Variants in FBXL7 observed in about 807,000 individuals in gnomAD.
The protein encoded by FBXL7 is F-box and leucine rich repeat protein 7, also known as F-box/LRR-repeat protein 7.
FBXL7 carries 12 observed loss-of-function variants against 38.3 expected under a neutral mutation model. The ratio of observed to expected loss-of-function variants is 0.31; its 90% CI spans 0.20 to 0.51. The LOEUF (loss-of-function observed/expected upper bound fraction) is 0.51, where lower values mean the gene tolerates loss of function less well. FBXL7 is among the 20% of genes least tolerant of loss of function. The pLI is 0.98. For synonymous variants in FBXL7, 297 were observed against 300.9 expected, an observed-to-expected ratio of 0.99 and a Z score of 0.13; for missense variants, 567 against 676.4, an observed-to-expected ratio of 0.84 and a Z score of 1.79.
chr5:15,782,422 G>T (rs1471647312), intron 2 of FBXL7, among the ~76,000 whole-genome samples: 2 of 152,126 alleles, frequency 1.3e-5, no homozygotes, highest in Non-Finnish European at 2.9e-5. Flanking sequence ...CACAATGGTT[G>T]AATTAATTTA....
intron 2 of FBXL7, among the ~76,000 whole-genome samples, chr5:15,842,462 G>A (rs959046494): frequency 1.5e-4 from 23 of 152,174 alleles, no homozygotes. Flanking sequence ...TGTCTCAGAT[G>A]AGACTTTTGA....
chr5:15,810,543 A>G (rs57397089), intron 2 of FBXL7, among the ~76,000 whole-genome samples: 4,729 of 148,964 alleles, frequency 0.032, 254 homozygotes, highest in African/African-American at 0.11. Flanking sequence ...CCTGGGTGAC[A>G]AGAGCAAAAC....
chr5:15,859,502 T>A (rs185405), intron 2 of FBXL7, among the ~76,000 whole-genome samples: 1 of 152,118 alleles, frequency 6.6e-6, no homozygotes, highest in African/African-American at 2.4e-5. Context: ...AAGGAAAGGG[T>A]TTTAATTGAC....
intron 2 of FBXL7, among the ~76,000 whole-genome samples, chr5:15,683,161 G>A (rs956993011): frequency 1.1e-4 from 17 of 152,184 alleles, no homozygotes; most frequent in Non-Finnish European, 1.3e-4. Flanking sequence ...GGGGCAACTA[G>A]AAGTAGTCTC....
chr5:15,836,193 C>G (rs1056191149), intron 2 of FBXL7, among the ~76,000 whole-genome samples: 1 of 152,196 alleles, frequency 6.6e-6, no homozygotes, highest in Non-Finnish European at 1.5e-5. Flanking sequence ...TTCATTCACT[C>G]TTATTCATCT....
At chr5:15,700,589 C>T (rs1743492327) in intron 2 of FBXL7, among the ~76,000 whole-genome samples, 1 of 152,192 alleles carries the variant, frequency 6.6e-6, no homozygotes, top group African/African-American at 2.4e-5. Context: ...GCCCTTTCCT[C>T]AGCAAATGGA....
At chr5:15,812,585 T>C (rs1316301174) in intron 2 of FBXL7, among the ~76,000 whole-genome samples, 1 of 152,166 alleles carries the variant, frequency 6.6e-6, no homozygotes, top group Non-Finnish European at 1.5e-5. Context: ...GCTTTGTTCT[T>C]TTTGCTTAGG....
chr5:15,606,081 C>A (rs1740002063), intron 1 of FBXL7, among the ~76,000 whole-genome samples: 1 of 152,070 alleles, frequency 6.6e-6, no homozygotes, highest in African/African-American at 2.4e-5. Flanking sequence ...CTCAGCTGGT[C>A]CCATGTAACA....
chr5:15,890,030 A>G lies in FBXL7; in HGVS notation c.128-37860A>G, dbSNP rs566308337. Among the ~76,000 whole-genome samples, 4 of 152,222 alleles carry G rather than the reference A, an allele frequency of 2.6e-5. No homozygotes were observed. The East Asian group carries it at 7.8e-4, about 30-fold the overall frequency. On this transcript the variant is annotated intron_variant, in intron 2 of 3. Coordinates refer to ENST00000504595, the MANE Select transcript of FBXL7 (RefSeq NM_012304.5). ...AATGAAAGAAAAAGTTCTTGGGCCT[A>G]TCAGACTTCATTCTCTCATTTCAAA... is the stretch of plus-strand genomic sequence containing the variant.
At chr5:15,572,157 T>A (rs1218693377) in intron 1 of FBXL7, among the ~76,000 whole-genome samples, 1 of 152,162 alleles carries the variant, frequency 6.6e-6, no homozygotes, top group Non-Finnish European at 1.5e-5. Flanking sequence ...GAACATTTAC[T>A]ATCTGAGTAT....
At chr5:15,845,295 A>G (rs1188045203) in intron 2 of FBXL7, among the ~76,000 whole-genome samples, 1 of 152,200 alleles carries the variant, frequency 6.6e-6, no homozygotes, top group East Asian at 1.9e-4. Context: ...GTCTTTCTGC[A>G]CATACCAGCC....
intron 2 of FBXL7, among the ~76,000 whole-genome samples, chr5:15,839,995 T>G (rs1738700315): frequency 6.6e-6 from 1 of 152,240 alleles, no homozygotes; most frequent in Admixed American, 6.5e-5. Context: ...ATAAACCATT[T>G]TTGTCCAGAG....
intron 2 of FBXL7, among the ~76,000 whole-genome samples, chr5:15,834,458 C>G (rs1379075137): frequency 6.6e-6 from 1 of 151,982 alleles, no homozygotes; most frequent in African/African-American, 2.4e-5. Context: ...ATTTTTACAC[C>G]AGTTTTCTCT....
intron 2 of FBXL7, among the ~76,000 whole-genome samples, chr5:15,802,941 C>T (rs567100974): frequency 1.6e-4 from 24 of 152,308 alleles, no homozygotes; most frequent in African/African-American, 4.1e-4. Context: ...GCGTGAGCCA[C>T]GGCACCCGGC....
At chr5:15,518,664 AT>A (rs1197238443) in intron 1 of FBXL7, among the ~76,000 whole-genome samples, 2 of 152,068 alleles carry the variant, frequency 1.3e-5, no homozygotes, top group Non-Finnish European at 2.9e-5. Context: ...GGCTTGGGCA[AT>A]TGGGTGCCAC....
chr5:15,718,146 GTACT>G (rs981206533), intron 2 of FBXL7, among the ~76,000 whole-genome samples: 3 of 152,166 alleles, frequency 2.0e-5, no homozygotes, highest in Admixed American at 2.0e-4. Flanking sequence ...TATGTTCCAT[GTACT>G]TACTTGCGCA....
At chr5:15,534,514 T>G (rs1251745752) in intron 1 of FBXL7, among the ~76,000 whole-genome samples, 1 of 152,250 alleles carries the variant, frequency 6.6e-6, no homozygotes, top group Non-Finnish European at 1.5e-5. Flanking sequence ...TTTTTAGATT[T>G]GAATAATATT....
In FBXL7 at chr5:15,902,277, A is replaced by G. The variant is rs965708589; in HGVS notation, c.128-25613A>G. On this transcript the variant is annotated intron_variant, in intron 2 of 3. Transcript: ENST00000504595. ...GTTTGTTTCCTTTAGAAGGCTCAGA[A>G]GCCCCAACCGTGAAGCCCTAGAGTT... Among the ~76,000 whole-genome samples the G allele has an allele frequency of 7.2e-5, 11 of 152,334 alleles. No homozygotes were observed. The South Asian group carries it at 1.4e-3, about 20-fold the overall frequency.
intron 2 of FBXL7, among the ~76,000 whole-genome samples, chr5:15,734,021 C>A (rs1201747598): frequency 6.6e-6 from 1 of 151,594 alleles, no homozygotes. Context: ...GCAGGAGAAT[C>A]TCTTGAACCC....
Sources: gnomAD v4.1 joint callset for allele counts (sites outside exome capture counted in the v4.1 genomes callset) on GRCh38, gnomAD v4.1.1 for gene constraint, MANE v1.5 for transcripts, NCBI Gene and HGNC (gene_info 2026-07-23, HGNC 2026-07-21) for gene names.